Variants in UBXN6 observed in about 807,000 individuals in gnomAD.
The protein encoded by UBXN6 is UBX domain-containing protein 6.
A neutral mutation model predicts 51.4 loss-of-function variants in UBXN6; 44 were observed. That is an observed-to-expected ratio of 0.86 (90% CI 0.67 to 1.10). UBXN6 has a LOEUF of 1.10. Ranked by LOEUF, UBXN6 falls within the 50% of genes least tolerant of loss-of-function variation. UBXN6 has a pLI of 0.00. For synonymous variants in UBXN6, 316 were observed against 263.2 expected (o/e 1.20, Z -1.94); for missense variants, 672 against 596.1 (o/e 1.13, Z -1.32).
At chr19:4,452,591 TC>T (rs1974673167) in intron 3 of UBXN6, 99 bp from the exon 4 acceptor site, 1 of 1,443,208 alleles carries the variant, frequency 6.9e-7, no homozygotes, top group South Asian at 1.4e-5. Context: ...GAACCAGACA[TC>T]TCCAGCCCCC....
Position 4,452,494 on chromosome 19 carries a change from TG to T in UBXN6, c.313-3del. 6.2e-7 allele frequency: 1 copy of T among 1,609,916 alleles called. No homozygotes were observed. The highest frequency in any genetic ancestry group is 8.5e-7 in the Non-Finnish European group (1 of 1,179,266). On this transcript the variant is annotated splice_polypyrimidine_tract_variant and splice_region_variant and intron_variant, in intron 3 of 10. Transcript: ENST00000301281. ...GCCTTCCTCTCTGGGCTCAGATACC[TG>T]GGGCGGTGAAAGCGTCCAAGTCTGG...
In UBXN6 at chr19:4,446,534, T is replaced by C; in HGVS notation, c.886A>G (p.Thr296Ala). 1 of 1,611,862 alleles carries C rather than the reference T, an allele frequency of 6.2e-7. No homozygotes were observed. The highest frequency in any genetic ancestry group is 1.1e-5 in the South Asian group (1 of 91,060). ...TGCTCCCGCTTGATCTCCTCTGCTG[T>C]GAGGTTGAAGAAGTCCCCAGGCAGT... is the stretch of plus-strand genomic sequence containing the variant. The part of the protein sequence containing the change: ...FELPGDFFNL[T>A]AEEIKREQRL... Residue 296 changes from threonine (T) to alanine (A), a missense_variant, in exon 8 of 11, where the codon ACA becomes GCA. Coordinates refer to ENST00000301281, the MANE Select transcript of UBXN6 (RefSeq NM_025241.3).
intron 10 of UBXN6, 23 bp from the exon 11 acceptor site, chr19:4,445,646 C>G (rs1302737259): frequency 6.2e-7 from 1 of 1,604,234 alleles, no homozygotes; most frequent in Non-Finnish European, 8.5e-7. Context: ...TAGGCCGTCA[C>G]TCTGAGACCG....
intron 1 of UBXN6, chr19:4,455,273 G>C (rs914951206): frequency 5.1e-6 from 5 of 985,344 alleles, no homozygotes; most frequent in Admixed American, 6.2e-5. Context: ...TGGGAGGCCA[G>C]GCTCTCAGTT....
In UBXN6 at chr19:4,452,509, G is replaced by C; in HGVS notation, c.313-17C>G. On this transcript the variant is annotated splice_polypyrimidine_tract_variant and intron_variant, in intron 3 of 10. Coordinates refer to ENST00000301281, the MANE Select transcript of UBXN6 (RefSeq NM_025241.3). ...CTCAGATACCTGGGGCGGTGAAAGCGTCCAAGTCTGGACCGTGGACAGAGG... is the reference window on the plus strand; with the variant it reads ...CTCAGATACCTGGGGCGGTGAAAGCCTCCAAGTCTGGACCGTGGACAGAGG... 6.2e-7 allele frequency: 1 copy of C among 1,606,468 alleles called. No individual in the cohort carries two copies. Among genetic ancestry groups the C allele is most frequent in the Non-Finnish European group, 8.5e-7 (1 of 1,178,032 alleles).
chr19:4,446,740 G>C (rs1233443092), intron 7 of UBXN6, 21 bp from the exon 8 acceptor site: 23 of 1,609,604 alleles, frequency 1.4e-5, no homozygotes, highest in Non-Finnish European at 2.0e-5. Flanking sequence ...GCAGGACATG[G>C]GTGTCACTGT....
At chr19:4,454,350 T>C (rs540260591) in intron 1 of UBXN6, among the ~76,000 whole-genome samples, 1 of 152,316 alleles carries the variant, frequency 6.6e-6, no homozygotes, top group Admixed American at 6.5e-5. Context: ...CTGCCCCCAC[T>C]GGCCCTCAGC....
Position 4,452,450 on chromosome 19 carries a change from G to A in UBXN6, c.355C>T (p.Pro119Ser), listed in dbSNP as rs1463066885. ...AGCGGACAGGTGAAGTACACGCCAG[G>A]CACAGCCAGGTGGGCAGAGCCTTCC... Reference protein sequence around the residue: ...REEGSAHLAVPGVYFTCPLTG... With the variant: ...REEGSAHLAVSGVYFTCPLTG... The change falls in exon 4 of 11, where the codon CCT becomes TCT. Residue 119 changes from proline (P) to serine (S), a missense_variant. Coordinates refer to ENST00000301281, the MANE Select transcript of UBXN6 (RefSeq NM_025241.3). 2 of 1,612,190 alleles carry A rather than the reference G, an allele frequency of 1.2e-6. No homozygotes were observed. Among genetic ancestry groups the A allele is most frequent in the South Asian group, 2.2e-5 (2 of 90,940 alleles).
intron 1 of UBXN6, chr19:4,455,392 G>A (rs1417823781): frequency 8.1e-6 from 6 of 744,258 alleles, no homozygotes; most frequent in Admixed American, 6.3e-5. Flanking sequence ...GGTGGAAGAG[G>A]AGATGACTCA....
chr19:4,452,395 C>G lies in UBXN6; in HGVS notation c.410G>C (p.Arg137Pro). 1 of 1,613,470 alleles carries G rather than the reference C, an allele frequency of 6.2e-7. No homozygotes were observed. Among genetic ancestry groups the G allele is most frequent in the Non-Finnish European group, 8.5e-7 (1 of 1,179,936 alleles). The change falls in exon 4 of 11, where the codon CGG becomes CCG. Residue 137 changes from arginine (R) to proline (P), a missense_variant. Transcript: ENST00000301281. Reference protein sequence around the residue: ...LTGATLRKDQRDACIKEAILL... With the variant: ...LTGATLRKDQPDACIKEAILL... ...AATGGCCTCCTTGATGCAGGCGTCC[C>G]GCTGGTCCTTCCTCAGGGTGGCCCC...
rs746126107 is a variant in UBXN6 at position 4,452,442 on chromosome 19, C to T, written c.363G>A (p.Val121=). 1.2e-5 allele frequency: 19 copies of T among 1,612,318 alleles called. No individual in the cohort carries two copies. Among genetic ancestry groups the T allele is most frequent in the Non-Finnish European group, 1.5e-5 (18 of 1,179,940 alleles). ...EGSAHLAVPG[V]YFTCPLTGAT... is the part of the protein sequence containing the mutation. ...CCCCAGTGAGCGGACAGGTGAAGTA[C>T]ACGCCAGGCACAGCCAGGTGGGCAG... The change falls in exon 4 of 11, where the codon GTG becomes GTA. Residue 121 remains valine, a synonymous_variant. Transcript: ENST00000301281.
In UBXN6 at chr19:4,447,572, T is replaced by C. The variant is rs1426418931; in HGVS notation, c.593A>G (p.Lys198Arg). 7 of 1,613,760 alleles carry C rather than the reference T, an allele frequency of 4.3e-6. No individual in the cohort carries two copies. In the South Asian group the frequency reaches 7.7e-5, roughly 18 times the overall value. The stretch of plus-strand genomic sequence containing the variant: ...CACCTGAAACACCTTGTTCTGCAGC[T>C]TGATCTTCCGGTACTTCTCCTCCTC... The part of the protein sequence containing the change: ...HPEEEKYRKI[K>R]LQNKVFQERI... The change falls in exon 6 of 11, where the codon AAG becomes AGG. Residue 198 changes from lysine to arginine, a missense_variant. Lys to Arg is a conservative substitution (Grantham distance 26). Coordinates refer to ENST00000301281, the MANE Select transcript of UBXN6 (RefSeq NM_025241.3).
intron 5 of UBXN6, 75 bp from the exon 6 acceptor site, chr19:4,447,700 G>C: frequency 6.8e-7 from 1 of 1,473,260 alleles, no homozygotes; most frequent in Non-Finnish European, 9.5e-7. Context: ...CCTGCTCCAG[G>C]TAACAGCAGC....
Position 4,446,929 on chromosome 19 carries a change from G to A in UBXN6, c.616-9C>T, listed in dbSNP as rs1355803740. On this transcript the variant is annotated splice_polypyrimidine_tract_variant and intron_variant, in intron 6 of 10. Coordinates refer to ENST00000301281, the MANE Select transcript of UBXN6 (RefSeq NM_025241.3). ...AGGCAGTTAATGCGCTCCTGGGGGTGGAGATGGGCGTCACTGGGGGCCCCT... is the reference window on the plus strand; with the variant it reads ...AGGCAGTTAATGCGCTCCTGGGGGTAGAGATGGGCGTCACTGGGGGCCCCT... 2 of 1,613,294 alleles carry A rather than the reference G, an allele frequency of 1.2e-6. No individual in the cohort carries two copies. The highest frequency in any genetic ancestry group is 8.5e-7 in the Non-Finnish European group (1 of 1,179,800).
intron 1 of UBXN6, among the ~76,000 whole-genome samples, chr19:4,457,307 C>T (rs1368331458): frequency 7.0e-6 from 1 of 143,476 alleles, no homozygotes; most frequent in Non-Finnish European, 1.5e-5. Flanking sequence ...CCTCCTGCGG[C>T]CCCGCCCCCG....
In UBXN6 at chr19:4,446,738, T is replaced by C. The variant is rs113377816; in HGVS notation, c.701-19A>G. 6.2e-7 allele frequency: 1 copy of C among 1,609,374 alleles called. No individual in the cohort carries two copies. The highest frequency in any genetic ancestry group is 8.5e-7 in the Non-Finnish European group (1 of 1,177,150). On this transcript the variant is annotated intron_variant, in intron 7 of 10. Coordinates refer to ENST00000301281, the MANE Select transcript of UBXN6 (RefSeq NM_025241.3). ...GGGTCCTCTACAGCGTGGCAGGACA[T>C]GGGTGTCACTGTGCAATGGAGAGAC...
At chr19:4,455,337 C>T (rs1005105214) in intron 1 of UBXN6, 69 of 978,354 alleles carry the variant, frequency 7.1e-5, no homozygotes, top group Non-Finnish European at 8.1e-5. Context: ...CCTCCCTCCT[C>T]GTCCCACCCC....
At chr19:4,452,080 C>T (rs890186988) in intron 4 of UBXN6, among the ~76,000 whole-genome samples, 17 of 148,474 alleles carry the variant, frequency 1.1e-4, no homozygotes, top group African/African-American at 2.5e-4. Context: ...ATCCAGGAGG[C>T]GGAGGTTGTA....
chr19:4,457,729 G>C lies in UBXN6; in HGVS notation c.-32C>G. Reference sequence around the variant, plus strand: ...GGCTGGCCCGGCGGCGGGGGGCCGCGGGGGCGGGGGGGCACGGGGCCCAGT... The same window carrying C: ...GGCTGGCCCGGCGGCGGGGGGCCGCCGGGGCGGGGGGGCACGGGGCCCAGT... On this transcript the variant is annotated 5_prime_UTR_variant, in exon 1 of 11. Coordinates refer to ENST00000301281, the MANE Select transcript of UBXN6 (RefSeq NM_025241.3). 6.9e-7 allele frequency: 1 copy of C among 1,455,252 alleles called. No individual in the cohort carries two copies. Among genetic ancestry groups the C allele is most frequent in the Non-Finnish European group, 9.2e-7 (1 of 1,091,788 alleles). 90.1% of individuals were successfully genotyped at this position (1,455,252 alleles called of 1,614,324 possible).
Sources: gnomAD v4.1 joint callset for allele counts (sites outside exome capture counted in the v4.1 genomes callset) on GRCh38, gnomAD v4.1.1 for gene constraint, MANE v1.5 for transcripts, NCBI Gene and HGNC (gene_info 2026-07-23, HGNC 2026-07-21) for gene names.